Variants in EEPD1 observed in about 807,000 individuals in gnomAD.
The protein encoded by EEPD1 is endonuclease/exonuclease/phosphatase family domain-containing protein 1.
Under a neutral mutation model 46.3 loss-of-function variants are expected in EEPD1, and 17 were observed. That is an observed-to-expected ratio of 0.37 (90% CI 0.25 to 0.55). The LOEUF (loss-of-function observed/expected upper bound fraction) is 0.55, where lower values mean the gene tolerates loss of function less well. EEPD1 is among the 20% of genes least tolerant of loss of function. The pLI is 0.83. For synonymous variants in EEPD1, 313 were observed against 315.6 expected (o/e 0.99, Z 0.09); for missense variants, 673 against 745.6 (o/e 0.90, Z 1.13).
chr7:36,223,553 A>G (rs1180360598), intron 2 of EEPD1, among the ~76,000 whole-genome samples: 1 of 152,192 alleles, frequency 6.6e-6, no homozygotes, highest in Admixed American at 6.5e-5. Flanking sequence ...GTTGAGAACT[A>G]TGCCAGGCAC....
intron 2 of EEPD1, among the ~76,000 whole-genome samples, chr7:36,197,021 G>T (rs1326348706): frequency 2.0e-5 from 3 of 149,940 alleles, no homozygotes; most frequent in Non-Finnish European, 4.4e-5. Flanking sequence ...CCTCTGCCCC[G>T]CCGCCCCGTC....
intron 2 of EEPD1, among the ~76,000 whole-genome samples, chr7:36,233,679 T>A (rs1455831167): frequency 2.0e-5 from 3 of 152,108 alleles, no homozygotes; most frequent in Non-Finnish European, 4.4e-5. Context: ...CCAGGGAAGT[T>A]TGCTTGGAGG....
chr7:36,295,831 G>C (rs886740508), intron 6 of EEPD1, among the ~76,000 whole-genome samples: 9 of 152,068 alleles, frequency 5.9e-5, no homozygotes, highest in African/African-American at 2.2e-4. Context: ...AGGAGTTCGA[G>C]ATCAGCCTGG....
intron 2 of EEPD1, among the ~76,000 whole-genome samples, chr7:36,196,815 G>A (rs1785603277): frequency 6.6e-6 from 1 of 152,144 alleles, no homozygotes; most frequent in African/African-American, 2.4e-5. Context: ...GAAGATTGCA[G>A]CCTCTGCCCG....
intron 3 of EEPD1, among the ~76,000 whole-genome samples, chr7:36,255,008 C>T (rs1258380770): frequency 6.6e-6 from 1 of 151,958 alleles, no homozygotes; most frequent in Admixed American, 6.6e-5. Context: ...TTTAAATTTG[C>T]TTAAGTTTCT....
intron 7 of EEPD1, among the ~76,000 whole-genome samples, chr7:36,297,422 C>T (rs1032451847): frequency 2.6e-5 from 4 of 152,132 alleles, no homozygotes; most frequent in Admixed American, 1.3e-4. Context: ...TGTAACTATT[C>T]GTTAATTTTA....
intron 2 of EEPD1, chr7:36,229,006 G>C (rs995007774): frequency 1.3e-5 from 2 of 152,294 alleles, no homozygotes; most frequent in Non-Finnish European, 2.9e-5. Flanking sequence ...CCCTTAGAGA[G>C]AAAGGCTGCC....
At chr7:36,205,651 A>G (rs1243552440) in intron 2 of EEPD1, among the ~76,000 whole-genome samples, 1 of 152,260 alleles carries the variant, frequency 6.6e-6, no homozygotes, top group Non-Finnish European at 1.5e-5. Flanking sequence ...TTAAAAGCAT[A>G]GAATGTGATT....
chr7:36,171,418 C>T (rs1349413056), intron 2 of EEPD1, among the ~76,000 whole-genome samples: 4 of 152,230 alleles, frequency 2.6e-5, no homozygotes, highest in Non-Finnish European at 5.9e-5. Context: ...ATTAATTTCA[C>T]TTGTACAAAA....
At chr7:36,236,472 C>T (rs1472444269) in intron 2 of EEPD1, among the ~76,000 whole-genome samples, 1 of 152,234 alleles carries the variant, frequency 6.6e-6, no homozygotes, top group Admixed American at 6.5e-5. Flanking sequence ...CGGTCTCCGT[C>T]TCTTTCTCGT....
At chr7:36,241,164 T>A (rs1259823440) in intron 3 of EEPD1, among the ~76,000 whole-genome samples, 4 of 152,192 alleles carry the variant, frequency 2.6e-5, no homozygotes, top group African/African-American at 9.7e-5. Context: ...GTTATTCATT[T>A]TATTTCTCAA....
chr7:36,260,900 A>G (rs559853100), intron 3 of EEPD1, among the ~76,000 whole-genome samples: 2 of 152,378 alleles, frequency 1.3e-5, no homozygotes, highest in South Asian at 4.1e-4. Context: ...TTGCCCAAGC[A>G]ATACAGTATA....
chr7:36,202,671 C>G (rs778307086), intron 2 of EEPD1, among the ~76,000 whole-genome samples: 1 of 152,150 alleles, frequency 6.6e-6, no homozygotes, highest in Non-Finnish European at 1.5e-5. Flanking sequence ...TTGAATGACT[C>G]GGTGTCCGTG....
chr7:36,173,015 T>G (rs974988875), intron 2 of EEPD1, among the ~76,000 whole-genome samples: 62 of 152,220 alleles, frequency 4.1e-4, no homozygotes, highest in Admixed American at 1.3e-3. Flanking sequence ...ACCCAGCTAG[T>G]GTCTGATGCT....
intron 3 of EEPD1, among the ~76,000 whole-genome samples, 158 bp downstream of exon 3, chr7:36,239,194 C>T (rs759928726): frequency 1.3e-5 from 2 of 152,170 alleles, no homozygotes; most frequent in Non-Finnish European, 2.9e-5. Context: ...TTAATCTGAG[C>T]CCCCTACCTT....
intron 3 of EEPD1, among the ~76,000 whole-genome samples, chr7:36,266,146 A>C (rs1048659626): frequency 2.5e-4 from 38 of 152,206 alleles, no homozygotes; most frequent in African/African-American, 9.2e-4. Flanking sequence ...AAATAGCCAC[A>C]AAATCCTCCA....
chr7:36,186,228 C>G (rs1287023095), intron 2 of EEPD1, among the ~76,000 whole-genome samples: 1 of 152,134 alleles, frequency 6.6e-6, no homozygotes, highest in Non-Finnish European at 1.5e-5. Flanking sequence ...TGGCACAATG[C>G]TTTCTCCTGC....
chr7:36,192,604 ACTCAAGTC>A (rs1249354286), intron 2 of EEPD1, among the ~76,000 whole-genome samples: 2 of 152,184 alleles, frequency 1.3e-5, no homozygotes, highest in Admixed American at 1.3e-4. Flanking sequence ...CCAACCTGTA[ACTCAAGTC>A]GCAGAAATTT....
intron 2 of EEPD1, among the ~76,000 whole-genome samples, chr7:36,213,065 A>G (rs1336307777): frequency 6.6e-6 from 1 of 152,220 alleles, no homozygotes; most frequent in East Asian, 1.9e-4. Flanking sequence ...AGGCAGGAGA[A>G]TGGCTTGTAC....
Sources: gnomAD v4.1 joint callset for allele counts (sites outside exome capture counted in the v4.1 genomes callset) on GRCh38, gnomAD v4.1.1 for gene constraint, MANE v1.5 for transcripts, NCBI Gene and HGNC (gene_info 2026-07-23, HGNC 2026-07-21) for gene names.